The following USP48 variants were observed in gnomAD, a reference collection of about 807,000 sequenced individuals.
The protein encoded by USP48 is ubiquitin specific peptidase 48, also known as ubiquitin carboxyl-terminal hydrolase 48.
USP48 carries 43 observed loss-of-function variants against 150.7 expected under a neutral mutation model. The observed-to-expected ratio is 0.29, with a 90% CI of 0.22 to 0.37. The LOEUF is 0.37. Among genes scored for constraint, USP48 ranks in the 10% least tolerant of loss-of-function variants. The pLI is 1.00. For synonymous variants in USP48, 396 were observed against 425.9 expected, an observed-to-expected ratio of 0.93 and a Z score of 0.86; for missense variants, 813 against 1,249.6, an observed-to-expected ratio of 0.65 and a Z score of 5.27.
intron 14 of USP48, among the ~76,000 whole-genome samples, chr1:21,716,936 G>A (rs762836376): frequency 4.6e-5 from 7 of 152,130 alleles, no homozygotes; most frequent in African/African-American, 7.2e-5. Flanking sequence ...GCTGAGGCAG[G>A]AGAATGGCGG....
intron 15 of USP48, among the ~76,000 whole-genome samples, chr1:21,714,504 C>A (rs975572977): frequency 1.2e-4 from 19 of 152,140 alleles, no homozygotes; most frequent in Admixed American, 9.2e-4. Flanking sequence ...CTCAAGCGAT[C>A]CTCCTACCTG....
At chr1:21,777,698 A>G (rs1015676600) in intron 1 of USP48, among the ~76,000 whole-genome samples, 1 of 152,168 alleles carries the variant, frequency 6.6e-6, no homozygotes, top group Non-Finnish European at 1.5e-5. Context: ...GGAGAAGAAG[A>G]AGAAATTGGA....
At chr1:21,750,058 A>G (rs183609654) in intron 6 of USP48, among the ~76,000 whole-genome samples, 5 of 152,236 alleles carry the variant, frequency 3.3e-5, no homozygotes, top group Admixed American at 3.3e-4. Context: ...TTATCCCTTA[A>G]AACAGACTGT....
intron 26 of USP48, among the ~76,000 whole-genome samples, chr1:21,680,460 C>A (rs1415008070): frequency 1.3e-5 from 2 of 152,168 alleles, no homozygotes; most frequent in Non-Finnish European, 2.9e-5. Flanking sequence ...CACTGTTTTG[C>A]TCTAGGAGGG....
chr1:21,680,724 A>G (rs2097563470), intron 26 of USP48, 84 bp downstream of exon 26: 8 of 1,332,300 alleles, frequency 6.0e-6, no homozygotes, highest in Non-Finnish European at 8.3e-6. Flanking sequence ...TTAAAATTTA[A>G]AATCAAATTA....
intron 14 of USP48, among the ~76,000 whole-genome samples, chr1:21,715,897 C>A (rs957510795): frequency 3.3e-5 from 5 of 152,084 alleles, no homozygotes; most frequent in Non-Finnish European, 1.5e-5. Flanking sequence ...CAGAGTACTC[C>A]CCGCTGATCA....
At chr1:21,773,052 T>C (rs1193185142) in intron 1 of USP48, among the ~76,000 whole-genome samples, 1 of 137,974 alleles carries the variant, frequency 7.2e-6, no homozygotes, top group Non-Finnish European at 1.6e-5. Flanking sequence ...TGGTCAGGAG[T>C]TCAAGACCAG....
In USP48 at chr1:21,679,173, C is replaced by T. The variant is rs2097558635; in HGVS notation, c.*244G>A. Reference sequence around the variant, plus strand: ...AACTTGTTCCGTCTTTACTTGCCCCCTCCCACCCACCACCCCCCTTAAATA... The same window carrying T: ...AACTTGTTCCGTCTTTACTTGCCCCTTCCCACCCACCACCCCCCTTAAATA... On this transcript the variant is annotated 3_prime_UTR_variant, in exon 27 of 27. Transcript: ENST00000308271. 2.1e-6 allele frequency: 1 copy of T among 475,982 alleles called. No individual in the cohort carries two copies. Among genetic ancestry groups the T allele is most frequent in the Admixed American group, 3.6e-5 (1 of 27,822 alleles). 29.5% of individuals were successfully genotyped at this position (475,982 alleles called of 1,614,324 possible).
chr1:21,716,341 G>A (rs1296495318), intron 14 of USP48, among the ~76,000 whole-genome samples: 1 of 152,130 alleles, frequency 6.6e-6, no homozygotes, highest in Non-Finnish European at 1.5e-5. Context: ...GCACCAAGAG[G>A]GTTGCTAGGT....
chr1:21,683,557 T>A (rs6679014), intron 25 of USP48, among the ~76,000 whole-genome samples: 10,869 of 152,130 alleles, frequency 0.071, 566 homozygotes, highest in East Asian at 0.26. Flanking sequence ...GCTCTTTTTT[T>A]AAAATTTGTA....
In USP48 at chr1:21,729,827, G is replaced by C. The variant is rs1193266036; in HGVS notation, c.1177C>G (p.Pro393Ala). 6.2e-7 allele frequency: 1 copy of C among 1,613,998 alleles called. No homozygotes were observed. Among genetic ancestry groups the C allele is most frequent in the Non-Finnish European group, 8.5e-7 (1 of 1,179,950 alleles). ...QLGIEEDLAE[P>A]SKSQTRKPKC... ...GGTTTACGTGTCTGAGACTTAGAAG[G>C]TTCTGCTGAGATAGAGAAATCAAAA... Residue 393 changes from proline to alanine, a missense_variant, in exon 10 of 27, where the codon CCT becomes GCT. Physicochemically the swap from Pro to Ala is conservative, Grantham distance 27. Transcript: ENST00000308271.
chr1:21,694,327 C>T (rs539138158), intron 23 of USP48, among the ~76,000 whole-genome samples: 2 of 152,066 alleles, frequency 1.3e-5, no homozygotes, highest in Admixed American at 6.6e-5. Context: ...AATCTCAGCA[C>T]TTTGGGAGGC....
At chr1:21,771,491 TCATGAGAAC>T (rs775647868) in intron 1 of USP48, among the ~76,000 whole-genome samples, 9 of 150,612 alleles carry the variant, frequency 6.0e-5, no homozygotes, top group Non-Finnish European at 1.3e-4. Context: ...TATTTATTTT[TCATGAGAAC>T]CATGAGAAAA....
chr1:21,695,454 T>C (rs1404730878), intron 22 of USP48, among the ~76,000 whole-genome samples: 2 of 152,242 alleles, frequency 1.3e-5, no homozygotes, highest in Non-Finnish European at 2.9e-5. Flanking sequence ...GCAGTTTAAA[T>C]GTTTGTTACA....
rs865996474 is a variant in USP48, at chr1:21,694,601, A to C, written c.2883+465T>G. 3.3e-4 allele frequency among the ~76,000 whole-genome samples: 23 copies of C among 69,968 alleles called. 1 individual carries two copies. The highest frequency in any genetic ancestry group is 1.0e-3 in the African/African-American group (22 of 21,792). The allele number at this position is 69,968 out of a possible 152,430, so 45.9% of individuals were successfully genotyped here. ...AAAAAAAAAAAAAAAAAAAAAAAAA[A>C]AAAAAACCCCCTCTATCTATCAAAT... On this transcript the variant is annotated intron_variant, in intron 23 of 26. Coordinates refer to ENST00000308271, the MANE Select transcript of USP48 (RefSeq NM_032236.8).
At chr1:21,739,143 CG>C (rs1333831303) in intron 8 of USP48, among the ~76,000 whole-genome samples, 3 of 151,982 alleles carry the variant, frequency 2.0e-5, no homozygotes, top group African/African-American at 7.3e-5. Flanking sequence ...AAAGGGCTTA[CG>C]GGATCAGAGA....
At chr1:21,745,814 C>A (rs1020979972) in intron 8 of USP48, among the ~76,000 whole-genome samples, 1 of 152,192 alleles carries the variant, frequency 6.6e-6, no homozygotes, top group Admixed American at 6.5e-5. Context: ...ATTAGATTTT[C>A]CTCAATTTCA....
At position 21,728,354 on chromosome 1, in the gene USP48, C is replaced by T. The variant is rs974938664; in HGVS notation, c.1450+216G>A. On this transcript the variant is annotated intron_variant, in intron 11 of 26. Transcript: ENST00000308271. ...TGACCTAAATGTTATAATTTATTAA[C>T]AGCTTCCCATTTTTAGGAGTACAAC... The T allele has an allele frequency of 3.1e-6, 4 of 1,291,192 alleles. No individual in the cohort carries two copies. In the African/African-American group the frequency reaches 4.6e-5, roughly 15 times the overall value. The allele number at this position is 1,291,192 out of a possible 1,614,324, so 80.0% of individuals were successfully genotyped here.
At chr1:21,760,985 T>C (rs1268174001) in intron 1 of USP48, among the ~76,000 whole-genome samples, 2 of 151,030 alleles carry the variant, frequency 1.3e-5, no homozygotes, top group Non-Finnish European at 3.0e-5. Flanking sequence ...TCCCAGCTAG[T>C]TGGGAGGCTG....
Sources: allele counts gnomAD v4.1 joint callset (sites outside exome capture counted in the v4.1 genomes callset), GRCh38; gene constraint gnomAD v4.1.1; transcripts MANE v1.5; gene names NCBI Gene and HGNC (gene_info 2026-07-23, HGNC 2026-07-21).